WDR25: variants seen among roughly 807,000 people sequenced by gnomAD.
WDR25 encodes the protein WD repeat domain 25, also known as WD repeat-containing protein 25.
WDR25 carries 35 observed loss-of-function variants against 47.7 expected under a neutral mutation model. The ratio of observed to expected loss-of-function variants is 0.73; its 90% CI spans 0.56 to 0.97. The LOEUF (loss-of-function observed/expected upper bound fraction) is 0.97, where lower values mean the gene tolerates loss of function less well. Among genes scored for constraint, WDR25 ranks in the 50% least tolerant of loss-of-function variants. WDR25 has a pLI of 0.00. For missense variants in WDR25, 634 were observed against 704.7 expected (o/e 0.90, Z 1.14); for synonymous variants, 248 against 278.9 (o/e 0.89, Z 1.10).
In WDR25 at chr14:100,468,864, G is replaced by A. The variant is rs567768020; in HGVS notation, c.970+696G>A. On this transcript the variant is annotated intron_variant, in intron 3 of 6. Transcript: ENST00000402312. The surrounding 1 kb of genome is among the most constrained non-coding windows in gnomAD (Gnocchi z 4.5). Reference sequence around the variant, plus strand: ...ACCTCTGCCATCTGCCTCCCAGTCCGAGCTCCTTCCTCTCTTTCTCCTTTC... The same window carrying A: ...ACCTCTGCCATCTGCCTCCCAGTCCAAGCTCCTTCCTCTCTTTCTCCTTTC... Among the ~76,000 whole-genome samples the A allele has an allele frequency of 1.3e-5, 2 of 152,158 alleles. No individual in the cohort carries two copies. Among genetic ancestry groups the A allele is most frequent in the African/African-American group, 4.8e-5 (2 of 41,516 alleles).
chr14:100,382,140 C>T (rs1428674490), intron 2 of WDR25: 2 of 702,874 alleles, frequency 2.8e-6, no homozygotes, highest in South Asian at 1.5e-5. Context: ...GTTTCAAGGG[C>T]TGTTGGGAGA....
At chr14:100,390,731 A>G (rs1897125521) in intron 2 of WDR25, among the ~76,000 whole-genome samples, 1 of 152,002 alleles carries the variant, frequency 6.6e-6, no homozygotes. Context: ...TTTTCCCACC[A>G]GTGTGCAGAT....
intron 3 of WDR25, chr14:100,481,298 C>T (rs574121894): frequency 3.4e-5 from 29 of 856,350 alleles, no homozygotes; most frequent in Non-Finnish European, 4.8e-5. Flanking sequence ...CATGTCTTAT[C>T]AGTGGTCCCT....
intron 2 of WDR25, among the ~76,000 whole-genome samples, chr14:100,409,611 G>T (rs1897648390): frequency 6.6e-6 from 1 of 152,196 alleles, no homozygotes; most frequent in African/African-American, 2.4e-5. Flanking sequence ...AAGAAATTAA[G>T]TAAAGGCTGT....
At chr14:100,415,369 G>A (rs1330428136) in intron 2 of WDR25, among the ~76,000 whole-genome samples, 1 of 152,296 alleles carries the variant, frequency 6.6e-6, no homozygotes, top group African/African-American at 2.4e-5. Context: ...TGGGAGGTAC[G>A]TAGGCATGCT....
At chr14:100,388,658 C>A (rs1397718826) in intron 2 of WDR25, among the ~76,000 whole-genome samples, 2 of 152,206 alleles carry the variant, frequency 1.3e-5, no homozygotes, top group Admixed American at 6.5e-5. Context: ...CTGAGGCCAA[C>A]AAATGAGACA....
intron 2 of WDR25, among the ~76,000 whole-genome samples, chr14:100,384,228 G>A (rs759449864): frequency 1.6e-4 from 25 of 152,392 alleles, no homozygotes; most frequent in Non-Finnish European, 1.8e-4. Context: ...CTGTGGTGTC[G>A]TGAACATTAG....
intron 3 of WDR25, among the ~76,000 whole-genome samples, chr14:100,482,578 A>G (rs1451085941): frequency 2.0e-5 from 3 of 152,160 alleles, no homozygotes; most frequent in Non-Finnish European, 4.4e-5. Flanking sequence ...CCATGGATCT[A>G]GGCAGATTGG....
intron 2 of WDR25, among the ~76,000 whole-genome samples, chr14:100,418,399 C>T (rs537261176): frequency 8.6e-5 from 13 of 151,596 alleles, no homozygotes; most frequent in Admixed American, 7.9e-4. Context: ...TTTGGGAGGC[C>T]GAGGTGGGCG....
intron 2 of WDR25, among the ~76,000 whole-genome samples, chr14:100,467,036 A>G (rs781537760): frequency 2.0e-5 from 3 of 152,246 alleles, no homozygotes; most frequent in Non-Finnish European, 4.4e-5. Flanking sequence ...ATCATTTTTC[A>G]GAAGTCATTG....
intron 4 of WDR25, among the ~76,000 whole-genome samples, chr14:100,507,315 A>T (rs1251911312): frequency 6.6e-6 from 1 of 152,174 alleles, no homozygotes; most frequent in Non-Finnish European, 1.5e-5. Flanking sequence ...GCCTTATAGT[A>T]TAGTTTGAGG....
chr14:100,434,366 T>C (rs1898436045), intron 2 of WDR25, among the ~76,000 whole-genome samples: 1 of 152,218 alleles, frequency 6.6e-6, no homozygotes, highest in Admixed American at 6.5e-5. Context: ...GTTTTCACAA[T>C]GTATTTATGT....
At chr14:100,453,734 A>G (rs1282757798) in intron 2 of WDR25, among the ~76,000 whole-genome samples, 1 of 152,078 alleles carries the variant, frequency 6.6e-6, no homozygotes, top group African/African-American at 2.4e-5. Context: ...AAGTGGGTGT[A>G]GCTGATGGCC....
chr14:100,377,671 C>G (rs1278158194), intron 1 of WDR25, among the ~76,000 whole-genome samples: 2 of 151,918 alleles, frequency 1.3e-5, no homozygotes, highest in African/African-American at 4.8e-5. Flanking sequence ...GGGCTGCGAA[C>G]GGGGGCGGCA....
chr14:100,472,662 A>G (rs1463163621), intron 3 of WDR25, among the ~76,000 whole-genome samples: 1 of 152,208 alleles, frequency 6.6e-6, no homozygotes, highest in Non-Finnish European at 1.5e-5. Context: ...GTGAGCTTAC[A>G]GATGTGCTGT....
rs938740458 is a variant in WDR25 at position 100,391,549 on chromosome 14, A to T, written c.822+9803A>T. Reference sequence around the variant, plus strand: ...TTGTTTTTGACCATAAAAGAAATGCAATCTGGAAAGAACAGAAAGGTATAA... The same window carrying T: ...TTGTTTTTGACCATAAAAGAAATGCTATCTGGAAAGAACAGAAAGGTATAA... On this transcript the variant is annotated intron_variant, in intron 2 of 6. Coordinates refer to ENST00000402312, the MANE Select transcript of WDR25 (RefSeq NM_001161476.3). 5.9e-5 allele frequency among the ~76,000 whole-genome samples: 9 copies of T among 152,142 alleles called. 3 individuals are homozygous for T. In the South Asian group the frequency reaches 1.7e-3, roughly 28 times the overall value.
At chr14:100,524,169 G>A (rs188441635) in intron 4 of WDR25, among the ~76,000 whole-genome samples, 1 of 152,248 alleles carries the variant, frequency 6.6e-6, no homozygotes, top group Non-Finnish European at 1.5e-5. Flanking sequence ...TGTCTTGGGA[G>A]GCAGGTGGTG....
chr14:100,454,740 C>G (rs1489095273), intron 2 of WDR25: 2 of 325,368 alleles, frequency 6.1e-6, no homozygotes, highest in African/African-American at 2.2e-5. Flanking sequence ...CTTGAAGAAC[C>G]AGAGGACAGA....
At chr14:100,512,977 T>A (rs1901357919) in intron 4 of WDR25, among the ~76,000 whole-genome samples, 1 of 152,234 alleles carries the variant, frequency 6.6e-6, no homozygotes, top group Admixed American at 6.5e-5. Context: ...TTAAATTTAT[T>A]TAGATTTTTT....
Sources: allele counts gnomAD v4.1 joint callset (sites outside exome capture counted in the v4.1 genomes callset), GRCh38; gene constraint gnomAD v4.1.1; non-coding constraint Gnocchi (gnomAD v3.1); transcripts MANE v1.5; gene names NCBI Gene and HGNC (gene_info 2026-07-23, HGNC 2026-07-21).